The following ECSIT variants were observed in gnomAD, a reference collection of about 807,000 sequenced individuals.
ECSIT encodes the protein evolutionarily conserved signaling intermediate in Toll pathway, mitochondrial.
ECSIT carries 29 observed loss-of-function variants against 36.8 expected under a neutral mutation model. That is an observed-to-expected ratio of 0.79 (90% CI 0.59 to 1.08). The LOEUF (loss-of-function observed/expected upper bound fraction) is 1.08, where lower values mean the gene tolerates loss of function less well. Among genes scored for constraint, ECSIT ranks in the 50% least tolerant of loss-of-function variants. The pLI, the probability that ECSIT is intolerant of heterozygous loss-of-function variation, is 0.00. For missense variants in ECSIT, 542 were observed against 581.0 expected (o/e 0.93, Z 0.69); for synonymous variants, 231 against 234.8 (o/e 0.98, Z 0.15).
At chr19:11,528,419 T>C (rs1169921695) in intron 1 of ECSIT, among the ~76,000 whole-genome samples, 1 of 152,140 alleles carries the variant, frequency 6.6e-6, no homozygotes, top group South Asian at 2.1e-4. Context: ...GCCCAGATAA[T>C]TTTTTGTAGA....
At chr19:11,511,578 G>A (rs1015632067) in intron 4 of ECSIT, among the ~76,000 whole-genome samples, 117 of 152,292 alleles carry the variant, frequency 7.7e-4, no homozygotes, top group African/African-American at 2.6e-3. Context: ...CAAGTGTTGG[G>A]AGAAGGATGG....
At chr19:11,516,895 T>C (rs903398111) in intron 2 of ECSIT, among the ~76,000 whole-genome samples, 2 of 151,978 alleles carry the variant, frequency 1.3e-5, no homozygotes, top group Non-Finnish European at 2.9e-5. Flanking sequence ...GGTGAATGTA[T>C]GTAGTCCCAG....
intron 1 of ECSIT, chr19:11,522,226 C>T (rs1422782971): frequency 5.2e-6 from 3 of 582,044 alleles, no homozygotes; most frequent in Non-Finnish European, 9.3e-6. Context: ...TACAAACTCC[C>T]AGAGCAGCAC....
At chr19:11,518,288 G>A (rs1045568068) in intron 2 of ECSIT, among the ~76,000 whole-genome samples, 7 of 152,116 alleles carry the variant, frequency 4.6e-5, no homozygotes, top group African/African-American at 1.2e-4. Flanking sequence ...TTAGCTGGGC[G>A]TGGTGATGTG....
chr19:11,518,557 C>T (rs1348202717), intron 2 of ECSIT, among the ~76,000 whole-genome samples: 2 of 151,990 alleles, frequency 1.3e-5, no homozygotes, highest in Admixed American at 6.6e-5. Context: ...CCACTGTACT[C>T]CAGCCTGGGT....
At chr19:11,525,319 G>A (rs1038571299) in intron 1 of ECSIT, among the ~76,000 whole-genome samples, 4 of 151,946 alleles carry the variant, frequency 2.6e-5, no homozygotes, top group Non-Finnish European at 5.9e-5. Context: ...TACCAGCCCT[G>A]ACAACATAGC....
rs769591643 is a variant in ECSIT at position 11,506,158 on chromosome 19, A to C, written c.*26T>G. The C allele has an allele frequency of 4.4e-6, 7 of 1,600,222 alleles. No homozygotes were observed. The highest frequency in any genetic ancestry group is 1.7e-4 in the Middle Eastern group (1 of 6,008). On this transcript the variant is annotated 3_prime_UTR_variant, in exon 8 of 8. Transcript: ENST00000270517. ...TCAGTCCACCGCCTCCTCGGGCCAC[A>C]GCCCGTGCCCTCGCGCCGGCTCAGA...
At position 11,519,274 on chromosome 19, in the gene ECSIT, C is replaced by T; in HGVS notation, c.-23-81G>A. Reference sequence around the variant, plus strand: ...CAAGGGCCCCGCAGGGTCGAGGGCACACTCCAGATTATGTGGCTCACTCAC... The same window carrying T: ...CAAGGGCCCCGCAGGGTCGAGGGCATACTCCAGATTATGTGGCTCACTCAC... On this transcript the variant is annotated intron_variant, in intron 1 of 7. Coordinates refer to ENST00000270517, the MANE Select transcript of ECSIT (RefSeq NM_016581.5). This position sits in a 1 kb window ranked among gnomAD's most constrained non-coding sequence, Gnocchi z 4.4. The T allele has an allele frequency of 1.1e-6, 1 of 908,042 alleles. No homozygotes were observed. The allele number at this position is 908,042 out of a possible 1,614,324, so 56.2% of individuals were successfully genotyped here. A position where few individuals can be genotyped will look rare whatever the true frequency, so the allele number is the denominator to read the frequency against.
chr19:11,509,023 T>G (rs1971815904), intron 4 of ECSIT, among the ~76,000 whole-genome samples: 1 of 152,090 alleles, frequency 6.6e-6, no homozygotes, highest in South Asian at 2.1e-4. Context: ...ACCTTTTTTA[T>G]CTTTTAAAAT....
chr19:11,522,358 G>T, intron 1 of ECSIT: 1 of 794,402 alleles, frequency 1.3e-6, no homozygotes. Flanking sequence ...GAAGATGGAG[G>T]AGATAGCAGC....
chr19:11,506,987 C>T (rs549258839), intron 7 of ECSIT, among the ~76,000 whole-genome samples: 3 of 152,334 alleles, frequency 2.0e-5, no homozygotes, highest in South Asian at 2.1e-4. Context: ...TGCTCCTCTC[C>T]TAAGCTCCCC....
intron 1 of ECSIT, among the ~76,000 whole-genome samples, chr19:11,526,942 A>G (rs933382455): frequency 6.6e-6 from 1 of 150,786 alleles, no homozygotes; most frequent in African/African-American, 2.4e-5. Flanking sequence ...GTGGTCTCGA[A>G]CTCCTGAGTT....
In ECSIT at chr19:11,506,126, C is replaced by T; in HGVS notation, c.*58G>A. 1.3e-6 allele frequency: 2 copies of T among 1,588,962 alleles called. No individual in the cohort carries two copies. Among genetic ancestry groups the T allele is most frequent in the Non-Finnish European group, 1.7e-6 (2 of 1,173,650 alleles). ...TTTGCTGTACACTCAAAGGGCATCT[C>T]ATGCCTTCAGTCCACCGCCTCCTCG... On this transcript the variant is annotated 3_prime_UTR_variant, in exon 8 of 8. Coordinates refer to ENST00000270517, the MANE Select transcript of ECSIT (RefSeq NM_016581.5).
Position 11,519,111 on chromosome 19 carries a change from G to A in ECSIT, c.60C>T (p.Thr20=). ...AGGTTCCTGTGAGGGCGGCCCCGCA[G>A]GTGCCTCCCCAGGCCCTACAGAGGC... is the stretch of plus-strand genomic sequence containing the variant. ...ARGLCRAWGG[T]CGAALTGTSI... The change falls in exon 2 of 8, where the codon ACC becomes ACT. Residue 20 remains threonine (T), a synonymous_variant. Coordinates refer to ENST00000270517, the MANE Select transcript of ECSIT (RefSeq NM_016581.5). The surrounding 1 kb of genome is among the most constrained non-coding windows in gnomAD (Gnocchi z 4.4). The A allele has an allele frequency of 6.4e-7, 1 of 1,551,256 alleles. No homozygotes were observed. Among genetic ancestry groups the A allele is most frequent in the Non-Finnish European group, 8.7e-7 (1 of 1,146,988 alleles).
In ECSIT at chr19:11,529,129, CCA is replaced by C. The variant is rs1972275377; in HGVS notation, c.-93_-92del. The C allele has an allele frequency of 6.6e-6, 1 of 152,266 alleles. No homozygotes were observed. Among genetic ancestry groups the C allele is most frequent in the African/African-American group, 2.4e-5 (1 of 41,456 alleles). 9.4% of individuals were successfully genotyped at this position (152,266 alleles called of 1,614,324 possible). A position where few individuals can be genotyped will look rare whatever the true frequency, so the allele number is the denominator to read the frequency against. ...TGTTGCTGGGCGCTGCCATATTGGC[CCA>C]GAGAGCGTCCGGGTCAGGGAGCTCC... On this transcript the variant is annotated 5_prime_UTR_variant, in exon 1 of 8. Coordinates refer to ENST00000270517, the MANE Select transcript of ECSIT (RefSeq NM_016581.5).
chr19:11,514,165 T>C lies in ECSIT; in HGVS notation c.153A>G (p.Glu51=). The part of the protein sequence containing the change: ...LHCSAAAHSS[E]QSLVPSPPEP... ...CCGGTGGGCTGGGAACCAGGGACTG[T>C]TCAGAGCTATGGGCAGCTGCGCTGC... Residue 51 remains glutamate, a synonymous_variant, in exon 3 of 8, where the codon GAA becomes GAG. Transcript: ENST00000270517. 3 of 1,612,702 alleles carry C rather than the reference T, an allele frequency of 1.9e-6. No homozygotes were observed. Among genetic ancestry groups the C allele is most frequent in the Non-Finnish European group, 2.5e-6 (3 of 1,179,128 alleles).
chr19:11,506,620 C>T lies in ECSIT; in HGVS notation c.1052-192G>A, dbSNP rs544375648. Among the ~76,000 whole-genome samples, 52 of 149,130 alleles carry T rather than the reference C, an allele frequency of 3.5e-4. 1 individual carries two copies. Among genetic ancestry groups the T allele is most frequent in the African/African-American group, 1.2e-3 (48 of 39,604 alleles). On this transcript the variant is annotated intron_variant, in intron 7 of 7. Coordinates refer to ENST00000270517, the MANE Select transcript of ECSIT (RefSeq NM_016581.5). ...CGAGATCTCGGCTCACTGCAACATC[C>T]GCCTCCCAGGTTCAAGTGATTCTCC...
intron 2 of ECSIT, 40 bp from the exon 3 acceptor site, chr19:11,514,261 A>G (rs773307436): frequency 6.4e-7 from 1 of 1,560,124 alleles, no homozygotes; most frequent in Non-Finnish European, 8.6e-7. Context: ...GGCACCTCTC[A>G]GTGTCTATGG....
At chr19:11,522,815 A>G (rs1310679912) in intron 1 of ECSIT, among the ~76,000 whole-genome samples, 1 of 152,222 alleles carries the variant, frequency 6.6e-6, no homozygotes, top group Non-Finnish European at 1.5e-5. Flanking sequence ...TCACGCCTGT[A>G]ATCCCAGCAC....
Sources: allele counts gnomAD v4.1 joint callset (sites outside exome capture counted in the v4.1 genomes callset), GRCh38; gene constraint gnomAD v4.1.1; non-coding constraint Gnocchi (gnomAD v3.1); transcripts MANE v1.5; gene names NCBI Gene and HGNC (gene_info 2026-07-23, HGNC 2026-07-21).